The following NAV3 variants were observed in gnomAD, a reference collection of about 807,000 sequenced individuals.
NAV3 encodes pore membrane and/or filament interacting like protein 1.
A neutral mutation model predicts 244.7 loss-of-function variants in NAV3; 87 were observed. The ratio of observed to expected loss-of-function variants is 0.36; its 90% CI spans 0.30 to 0.42. NAV3 has a LOEUF of 0.42. Among genes scored for constraint, NAV3 ranks in the 20% least tolerant of loss-of-function variants. NAV3 has a pLI of 1.00. For synonymous variants in NAV3, 1,126 were observed against 1,042.2 expected (o/e 1.08, Z -1.55); for missense variants, 2,663 against 2,893.3 (o/e 0.92, Z 1.83).
At chr12:77,756,171 T>C (rs1384341634) in intron 2 of NAV3, among the ~76,000 whole-genome samples, 1 of 152,162 alleles carries the variant, frequency 6.6e-6, no homozygotes, top group Non-Finnish European at 1.5e-5. Context: ...CGCCACCAGG[T>C]AGTTTTTTAA....
At chr12:77,603,643 A>G (rs1404216457) in intron 2 of NAV3, among the ~76,000 whole-genome samples, 2 of 152,092 alleles carry the variant, frequency 1.3e-5, no homozygotes, top group African/African-American at 2.4e-5. Flanking sequence ...GAAGATGTAG[A>G]TCTGCTTTCA....
intron 12 of NAV3, among the ~76,000 whole-genome samples, chr12:78,089,710 C>A (rs192277531): frequency 1.3e-5 from 2 of 152,228 alleles, no homozygotes; most frequent in Non-Finnish European, 2.9e-5. Context: ...TGCCTCCTCA[C>A]CATGTGTAAG....
chr12:77,748,964 G>A (rs11106525), intron 2 of NAV3, among the ~76,000 whole-genome samples: 5 of 152,156 alleles, frequency 3.3e-5, no homozygotes, highest in East Asian at 3.9e-4. Flanking sequence ...GAATTAAATC[G>A]TTACATTACA....
chr12:77,645,386 C>T (rs1872567660), intron 2 of NAV3, among the ~76,000 whole-genome samples: 1 of 151,036 alleles, frequency 6.6e-6, no homozygotes, highest in Non-Finnish European at 1.5e-5. Flanking sequence ...TTAGTTAATT[C>T]CCTGGATGTT....
At chr12:77,742,018 T>G (rs755075716) in intron 2 of NAV3, among the ~76,000 whole-genome samples, 37 of 152,108 alleles carry the variant, frequency 2.4e-4, no homozygotes, top group Admixed American at 3.3e-4. Flanking sequence ...TTTCTTTGAT[T>G]ATTAGCATTT....
intron 1 of NAV3, among the ~76,000 whole-genome samples, chr12:77,832,590 A>T (rs1351466428): frequency 6.6e-6 from 1 of 152,204 alleles, no homozygotes; most frequent in Non-Finnish European, 1.5e-5. Flanking sequence ...GGGTAAATGG[A>T]GTATCTGTTG....
At chr12:78,134,707 G>A (rs1302930580) in intron 18 of NAV3, among the ~76,000 whole-genome samples, 1 of 152,054 alleles carries the variant, frequency 6.6e-6, no homozygotes. Context: ...AGCTATGATC[G>A]TGGCACTGCA....
At chr12:77,790,863 C>A (rs1315797934) in intron 2 of NAV3, among the ~76,000 whole-genome samples, 1 of 152,130 alleles carries the variant, frequency 6.6e-6, no homozygotes, top group Non-Finnish European at 1.5e-5. Flanking sequence ...GCGACCTTTG[C>A]TGACTGAGGT....
intron 1 of NAV3, among the ~76,000 whole-genome samples, chr12:77,939,794 G>A (rs1304232280): frequency 1.3e-5 from 2 of 152,062 alleles, no homozygotes; most frequent in Admixed American, 6.6e-5. Context: ...AATGGAAGAC[G>A]ACAATCCAAA....
chr12:77,840,347 A>G (rs1320410417), intron 1 of NAV3, among the ~76,000 whole-genome samples: 6 of 152,228 alleles, frequency 3.9e-5, no homozygotes, highest in African/African-American at 1.2e-4. Flanking sequence ...TCAAAGTGAC[A>G]TGATTAAGTT....
chr12:77,717,515 C>G (rs1876415669), intron 2 of NAV3, among the ~76,000 whole-genome samples: 1 of 152,068 alleles, frequency 6.6e-6, no homozygotes, highest in Admixed American at 6.6e-5. Context: ...TCTTTATCCA[C>G]TCATTCATCA....
chr12:77,615,263 T>A (rs1377022928), intron 2 of NAV3, among the ~76,000 whole-genome samples: 4 of 152,170 alleles, frequency 2.6e-5, no homozygotes, highest in African/African-American at 9.7e-5. Context: ...TTATTTATTT[T>A]TTTGGGTTCG....
intron 5 of NAV3, among the ~76,000 whole-genome samples, chr12:77,987,737 C>T (rs771147587): frequency 6.6e-6 from 1 of 152,148 alleles, no homozygotes; most frequent in African/African-American, 2.4e-5. Flanking sequence ...TGATTAATTA[C>T]TGCACCATCA....
At chr12:77,659,508 G>T (rs1394715745) in intron 2 of NAV3, among the ~76,000 whole-genome samples, 4 of 152,212 alleles carry the variant, frequency 2.6e-5, no homozygotes, top group Non-Finnish European at 5.9e-5. Context: ...TTACACTGTT[G>T]TTGGGACTGT....
At chr12:78,106,346 A>C (rs1954801777) in intron 12 of NAV3, among the ~76,000 whole-genome samples, 1 of 152,220 alleles carries the variant, frequency 6.6e-6, no homozygotes, top group African/African-American at 2.4e-5. Context: ...TGAACAATAA[A>C]GTATTTAGGA....
At chr12:77,947,964 C>T (rs532153646) in intron 3 of NAV3, among the ~76,000 whole-genome samples, 17 of 151,658 alleles carry the variant, frequency 1.1e-4, no homozygotes, top group Non-Finnish European at 2.4e-4. Flanking sequence ...TATGTATGAC[C>T]CAGGAAAAGG....
intron 1 of NAV3, among the ~76,000 whole-genome samples, chr12:77,856,732 T>C (rs538415716): frequency 7.9e-5 from 12 of 152,140 alleles, no homozygotes; most frequent in Non-Finnish European, 1.6e-4. Flanking sequence ...CAGTTAATTA[T>C]CCACATTTCT....
At chr12:78,200,245 C>G (rs186318901) in intron 37 of NAV3, among the ~76,000 whole-genome samples, 5 of 152,116 alleles carry the variant, frequency 3.3e-5, no homozygotes, top group African/African-American at 1.2e-4. Context: ...TATCATTTCT[C>G]CTGACTCTAG....
At chr12:77,768,766 G>T (rs111842053) in intron 2 of NAV3, among the ~76,000 whole-genome samples, 3,130 of 152,326 alleles carry the variant, frequency 0.021, 102 homozygotes, top group African/African-American at 0.066. Context: ...TGCAATCTCA[G>T]AATGAGGTAG....
Sources: gnomAD v4.1 joint callset for allele counts (sites outside exome capture counted in the v4.1 genomes callset) on GRCh38, gnomAD v4.1.1 for gene constraint, MANE v1.5 for transcripts, NCBI Gene and HGNC (gene_info 2026-07-23, HGNC 2026-07-21) for gene names.